RBMS1: variants seen among roughly 807,000 people sequenced by gnomAD.
RBMS1 encodes RNA binding motif single stranded interacting protein 1.
A neutral mutation model predicts 62.3 loss-of-function variants in RBMS1; 17 were observed. The ratio of observed to expected loss-of-function variants is 0.27; its 90% CI spans 0.19 to 0.41. RBMS1 has a LOEUF of 0.41. RBMS1 is among the 10% of genes least tolerant of loss of function. The pLI, the probability that RBMS1 is intolerant of heterozygous loss-of-function variation, is 1.00. For missense variants in RBMS1, 334 were observed against 504.5 expected, an observed-to-expected ratio of 0.66 and a Z score of 3.24; for synonymous variants, 172 against 170.0, an observed-to-expected ratio of 1.01 and a Z score of -0.09.
At chr2:160,397,868 C>A (rs974975715) in intron 1 of RBMS1, among the ~76,000 whole-genome samples, 1 of 152,164 alleles carries the variant, frequency 6.6e-6, no homozygotes, top group Non-Finnish European at 1.5e-5. Flanking sequence ...TGACACTCTC[C>A]GGATTCTCTC....
intron 1 of RBMS1, among the ~76,000 whole-genome samples, chr2:160,492,580 G>A (rs898346304): frequency 6.6e-6 from 1 of 152,136 alleles, no homozygotes; most frequent in Admixed American, 6.5e-5. Context: ...ACTGAAATCT[G>A]CCCATTGTCC....
chr2:160,390,660 C>CA (rs1309497928), intron 1 of RBMS1, among the ~76,000 whole-genome samples: 1 of 141,630 alleles, frequency 7.1e-6, no homozygotes, highest in African/African-American at 2.7e-5. Flanking sequence ...CATGCCACTG[C>CA]ACTCCAGCCT....
intron 1 of RBMS1, among the ~76,000 whole-genome samples, chr2:160,383,238 T>G (rs1694371463): frequency 1.3e-5 from 2 of 152,170 alleles, no homozygotes; most frequent in Admixed American, 6.5e-5. Context: ...CAGTAGCGAC[T>G]CCTGCTGTTC....
At chr2:160,465,029 T>C (rs1221851246) in intron 1 of RBMS1, among the ~76,000 whole-genome samples, 1 of 152,218 alleles carries the variant, frequency 6.6e-6, no homozygotes, top group East Asian at 1.9e-4. Context: ...GAGTTTTTAT[T>C]AAAGGGCATC....
chr2:160,487,033 A>G (rs1055879828), intron 1 of RBMS1, among the ~76,000 whole-genome samples: 1 of 152,254 alleles, frequency 6.6e-6, no homozygotes, highest in African/African-American at 2.4e-5. Context: ...CTAGAAAAAT[A>G]ATAGGGTGAA....
intron 1 of RBMS1, among the ~76,000 whole-genome samples, chr2:160,376,595 A>G (rs1167200484): frequency 6.6e-6 from 1 of 152,054 alleles, no homozygotes; most frequent in African/African-American, 2.4e-5. Flanking sequence ...CTTCTATTAT[A>G]TATCAGTCTA....
At chr2:160,392,980 C>T (rs1462267187) in intron 1 of RBMS1, among the ~76,000 whole-genome samples, 2 of 152,170 alleles carry the variant, frequency 1.3e-5, no homozygotes, top group South Asian at 4.1e-4. Flanking sequence ...TTAATGCTCG[C>T]CAGTTTTTCT....
intron 1 of RBMS1, among the ~76,000 whole-genome samples, chr2:160,450,976 G>C (rs1348807795): frequency 2.0e-5 from 3 of 151,780 alleles, no homozygotes; most frequent in Admixed American, 6.6e-5. Flanking sequence ...GCAACATAGT[G>C]AGACCCCATC....
At chr2:160,447,048 T>C (rs1683683800) in intron 1 of RBMS1, among the ~76,000 whole-genome samples, 1 of 152,328 alleles carries the variant, frequency 6.6e-6, no homozygotes, top group East Asian at 1.9e-4. Flanking sequence ...TGTTAATCAG[T>C]ATAGACGAAG....
At chr2:160,469,164 T>A (rs1684814883) in intron 1 of RBMS1, among the ~76,000 whole-genome samples, 1 of 152,238 alleles carries the variant, frequency 6.6e-6, no homozygotes, top group East Asian at 1.9e-4. Flanking sequence ...ATAAACTACA[T>A]ACAAATTAGA....
chr2:160,377,800 C>T (rs1187315247), intron 1 of RBMS1, among the ~76,000 whole-genome samples: 1 of 152,148 alleles, frequency 6.6e-6, no homozygotes, highest in Non-Finnish European at 1.5e-5. Flanking sequence ...TGTAATGCAA[C>T]CCCTCACTTT....
intron 1 of RBMS1, among the ~76,000 whole-genome samples, chr2:160,442,373 A>G (rs1683445689): frequency 6.6e-6 from 1 of 152,176 alleles, no homozygotes; most frequent in Admixed American, 6.5e-5. Context: ...ACTGCTTCTT[A>G]GTACTACATT....
Position 160,418,215 on chromosome 2 carries a change from T to C in RBMS1, c.76-50824A>G, listed in dbSNP as rs557580824. ...CATGAATACTGGACTGTTACTTCTT[T>C]GGCAAGTTTTAGTCAAATGCATGCA... On this transcript the variant is annotated intron_variant, in intron 1 of 13. Transcript: ENST00000348849. Among the ~76,000 whole-genome samples the C allele has an allele frequency of 5.3e-5, 8 of 152,328 alleles. No individual in the cohort carries two copies. In the East Asian group the frequency reaches 1.3e-3, roughly 26 times the overall value.
chr2:160,461,510 G>T (rs1239837082), intron 1 of RBMS1, among the ~76,000 whole-genome samples: 1 of 152,104 alleles, frequency 6.6e-6, no homozygotes, highest in Non-Finnish European at 1.5e-5. Flanking sequence ...TAAAGTCAGC[G>T]CAACAGTCAC....
chr2:160,329,291 A>G (rs923717608), intron 2 of RBMS1, among the ~76,000 whole-genome samples: 1 of 152,192 alleles, frequency 6.6e-6, no homozygotes, highest in Admixed American at 6.5e-5. Flanking sequence ...ACACACTTGG[A>G]CTGTATAAGC....
At chr2:160,436,174 G>A (rs1266389643) in intron 1 of RBMS1, among the ~76,000 whole-genome samples, 1 of 152,162 alleles carries the variant, frequency 6.6e-6, no homozygotes, top group Non-Finnish European at 1.5e-5. Context: ...AATCTACCTC[G>A]TCTCTGCTCG....
chr2:160,407,596 G>A (rs937815709), intron 1 of RBMS1: 3 of 982,774 alleles, frequency 3.1e-6, no homozygotes, highest in African/African-American at 1.8e-5. Context: ...CGCCGCGAGG[G>A]GGAGGGCGCA....
chr2:160,318,229 T>TAAAAAAAAAAAAAAAAAAAAAAAGAA lies in RBMS1; in HGVS notation c.252-3_252-2insTTCTTTTTTTTTTTTTTTTTTTTTTT, dbSNP rs1491500454. On this transcript the variant is annotated splice_polypyrimidine_tract_variant and splice_region_variant and intron_variant, in intron 2 of 13. Transcript: ENST00000348849. ...TTTGTGGAGACTATTTTCCCATATC[T>TAAAAAAAAAAAAAAAAAAAAAAAGAA]AAAAAAAAAAAAAAAAAAAAAAAGG... 29 of 1,164,702 alleles carry TAAAAAAAAAAAAAAAAAAAAAAAGAA rather than the reference T, an allele frequency of 2.5e-5. No individual in the cohort carries two copies. The highest frequency in any genetic ancestry group is 8.1e-5 in the South Asian group (4 of 49,542). The allele number at this position is 1,164,702 out of a possible 1,614,324, so 72.1% of individuals were successfully genotyped here.
chr2:160,350,806 A>G (rs1692450867), intron 2 of RBMS1, among the ~76,000 whole-genome samples: 1 of 152,162 alleles, frequency 6.6e-6, no homozygotes. Flanking sequence ...TAGTGCTGCA[A>G]TAAACAAACG....
Sources: gnomAD v4.1 joint callset for allele counts (sites outside exome capture counted in the v4.1 genomes callset) on GRCh38, gnomAD v4.1.1 for gene constraint, MANE v1.5 for transcripts, NCBI Gene and HGNC (gene_info 2026-07-23, HGNC 2026-07-21) for gene names.